BBS9: variants seen among roughly 807,000 people sequenced by gnomAD.
BBS9 encodes the protein protein PTHB1.
In BBS9, 89 loss-of-function variants were observed where a neutral mutation model predicts 117.7. The ratio of observed to expected loss-of-function variants is 0.76; its 90% CI spans 0.64 to 0.90. The LOEUF is 0.90. Among genes scored for constraint, BBS9 ranks in the 40% least tolerant of loss-of-function variants. The pLI is 0.00. For synonymous variants in BBS9, 379 were observed against 370.9 expected, an observed-to-expected ratio of 1.02 and a Z score of -0.25; for missense variants, 982 against 1,042.2, an observed-to-expected ratio of 0.94 and a Z score of 0.80.
At chr7:33,388,952 G>A (rs1007318235) in intron 19 of BBS9, among the ~76,000 whole-genome samples, 3 of 152,090 alleles carry the variant, frequency 2.0e-5, no homozygotes, top group African/African-American at 7.2e-5. Flanking sequence ...TTTGAATTGA[G>A]TTTTTTAATT....
At chr7:33,149,007 T>C (rs2128101141) in intron 2 of BBS9, among the ~76,000 whole-genome samples, 1 of 152,286 alleles carries the variant, frequency 6.6e-6, no homozygotes, top group South Asian at 2.1e-4. Context: ...GGTAATGAGA[T>C]CTAGATTTGC....
chr7:33,138,025 C>A (rs899193042), intron 1 of BBS9, among the ~76,000 whole-genome samples: 3 of 152,180 alleles, frequency 2.0e-5, no homozygotes, highest in Admixed American at 1.3e-4. Context: ...CCTCCACAGT[C>A]TTTAAAGATT....
intron 21 of BBS9, among the ~76,000 whole-genome samples, chr7:33,615,120 C>T (rs1473840572): frequency 6.6e-6 from 1 of 151,922 alleles, no homozygotes; most frequent in Non-Finnish European, 1.5e-5. Context: ...CCTCCCCTGC[C>T]CCACAACCTT....
At chr7:33,339,626 A>T (rs536867105) in intron 10 of BBS9, among the ~76,000 whole-genome samples, 2 of 152,206 alleles carry the variant, frequency 1.3e-5, no homozygotes, top group East Asian at 3.9e-4. Context: ...GATCTCAGCA[A>T]TTCTAGGTGT....
chr7:33,241,330 G>A (rs976886678), intron 5 of BBS9, among the ~76,000 whole-genome samples: 4 of 152,122 alleles, frequency 2.6e-5, no homozygotes, highest in Non-Finnish European at 4.4e-5. Flanking sequence ...TTAGGTTTCA[G>A]TCTTTTTCTA....
chr7:33,609,935 T>A (rs895712321), downstream of BBS9, among the ~76,000 whole-genome samples: 3 of 152,070 alleles, frequency 2.0e-5, no homozygotes, highest in Non-Finnish European at 2.9e-5. Flanking sequence ...CCAACTCAAC[T>A]TCCCTTTAGC....
intron 19 of BBS9, among the ~76,000 whole-genome samples, chr7:33,434,116 G>T: frequency 6.6e-6 from 1 of 150,878 alleles, no homozygotes; most frequent in African/African-American, 2.4e-5. Flanking sequence ...CAATAATGAT[G>T]GATATCTTCA....
chr7:33,366,543 C>CTTTTTTTTTTTTT (rs70989948), intron 16 of BBS9, among the ~76,000 whole-genome samples: 1 of 89,684 alleles, frequency 1.1e-5, no homozygotes, highest in Non-Finnish European at 2.1e-5. Context: ...TCTTTTCTTT[C>CTTTTTTTTTTTTT]TTTTTTTTTT....
chr7:33,337,214 AG>A (rs1447506800), intron 10 of BBS9, among the ~76,000 whole-genome samples: 4 of 152,176 alleles, frequency 2.6e-5, no homozygotes, highest in Admixed American at 6.5e-5. Flanking sequence ...GGGACTCAAA[AG>A]GGTATAATTT....
chr7:33,427,285 C>T (rs1193645481), intron 19 of BBS9, among the ~76,000 whole-genome samples: 2 of 152,128 alleles, frequency 1.3e-5, no homozygotes, highest in Non-Finnish European at 2.9e-5. Flanking sequence ...TGTTAATTTG[C>T]AATTACAGTA....
In BBS9 at chr7:33,130,012, T is replaced by TG. The variant is rs886062282; in HGVS notation, c.-37dup. The TG allele has an allele frequency of 2.6e-5, 4 of 152,294 alleles. No homozygotes were observed. The East Asian group carries it at 7.7e-4, about 29-fold the overall frequency. The allele number at this position is 152,294 out of a possible 1,614,324, so 9.4% of individuals were successfully genotyped here. On this transcript the variant is annotated 5_prime_UTR_variant, in exon 1 of 23. Coordinates refer to ENST00000242067, the MANE Select transcript of BBS9 (RefSeq NM_198428.3). ...TGCCGAACGAGGGTTCGCAGAAAGG[T>TG]GGGGCAGAGCTCATCTGACGTGGCA...
chr7:33,590,441 T>TTGTTTTTC (rs1198924162), intron 21 of BBS9, among the ~76,000 whole-genome samples: 3 of 102,716 alleles, frequency 2.9e-5, no homozygotes. Flanking sequence ...TGGCCACTGT[T>TTGTTTTTC]TGTTTTTTTG....
chr7:33,404,033 T>C (rs1434848483), intron 19 of BBS9, among the ~76,000 whole-genome samples: 2 of 152,164 alleles, frequency 1.3e-5, no homozygotes, highest in African/African-American at 2.4e-5. Flanking sequence ...TGGTATCTCA[T>C]TGTGGTTTTG....
At chr7:33,282,660 C>T (rs1272498086) in intron 9 of BBS9, among the ~76,000 whole-genome samples, 6 of 152,036 alleles carry the variant, frequency 3.9e-5, no homozygotes, top group African/African-American at 7.2e-5. Context: ...CGTGAGCCAC[C>T]GTGTGTGGCC....
chr7:33,208,799 GT>G (rs67276013), intron 5 of BBS9, among the ~76,000 whole-genome samples: 123,969 of 150,032 alleles, frequency 0.83, 51,145 homozygotes, highest in Admixed American at 0.87. Context: ...GGAAAATTCT[GT>G]TTTTTTTTTT....
In BBS9 at chr7:33,230,332, A is replaced by G. The variant is rs144795258; in HGVS notation, c.443-26904A>G. On this transcript the variant is annotated intron_variant, in intron 5 of 22. Transcript: ENST00000242067. ...TTCCAAGAAATCATTGCCAAGGCCA[A>G]TGTCCAGGAGCTTTCCCACTGTGTT... 2.1e-3 allele frequency among the ~76,000 whole-genome samples: 320 copies of G among 152,264 alleles called. 1 individual carries two copies. Among genetic ancestry groups the G allele is most frequent in the Non-Finnish European group, 3.7e-3 (254 of 68,004 alleles).
At chr7:33,281,372 T>C (rs907743956) in intron 9 of BBS9, among the ~76,000 whole-genome samples, 5 of 136,190 alleles carry the variant, frequency 3.7e-5, no homozygotes, top group Admixed American at 7.4e-5. Context: ...ATGCCTTTTT[T>C]TTTTTTTTTT....
chr7:33,397,743 C>A (rs1433176417), intron 19 of BBS9, among the ~76,000 whole-genome samples: 1 of 152,148 alleles, frequency 6.6e-6, no homozygotes, highest in Non-Finnish European at 1.5e-5. Context: ...TGCATGTTCT[C>A]ACTTATAAGT....
intron 21 of BBS9, among the ~76,000 whole-genome samples, chr7:33,545,973 G>A (rs187787505): frequency 0.025 from 2,718 of 109,208 alleles, 38 homozygotes; most frequent in East Asian, 0.05. Context: ...TTGCTCTGTC[G>A]CCCAGGCTGG....
Sources: allele counts gnomAD v4.1 joint callset (sites outside exome capture counted in the v4.1 genomes callset), GRCh38; gene constraint gnomAD v4.1.1; transcripts MANE v1.5; gene names NCBI Gene and HGNC (gene_info 2026-07-23, HGNC 2026-07-21).